Variants in FIBP observed in about 807,000 individuals in gnomAD.
FIBP encodes the protein acidic fibroblast growth factor intracellular-binding protein.
A neutral mutation model predicts 40.5 loss-of-function variants in FIBP; 29 were observed. The observed-to-expected ratio is 0.72, with a 90% confidence interval of 0.53 to 0.98. FIBP has a LOEUF of 0.98. FIBP is among the 50% of genes least tolerant of loss of function. FIBP has a pLI of 0.00. For synonymous variants in FIBP, 215 were observed against 191.1 expected, an observed-to-expected ratio of 1.13 and a Z score of -1.03; for missense variants, 411 against 470.2, an observed-to-expected ratio of 0.87 and a Z score of 1.16.
At chr11:65,887,559 G>C (rs1445497944) in intron 3 of FIBP, 41 bp downstream of exon 3, 11 of 1,610,912 alleles carry the variant, frequency 6.8e-6, no homozygotes, top group South Asian at 4.4e-5. Context: ...AGGGAGTGAA[G>C]TGTAGATGGG....
rs995630046 is a variant in FIBP, at chr11:65,884,872, G to A, written c.819+63C>T. 12 of 1,585,366 alleles carry A rather than the reference G, an allele frequency of 7.6e-6. No homozygotes were observed. In the Admixed American group the frequency reaches 1.0e-4, roughly 13 times the overall value. The stretch of plus-strand genomic sequence containing the variant: ...ATCCCTGGCAGGGGCAGAGCTGCCC[G>A]GTAGGGGTGGCGAACTGGAGGCTGA... On this transcript the variant is annotated intron_variant, in intron 7 of 9. Coordinates refer to ENST00000357519, the MANE Select transcript of FIBP (RefSeq NM_004214.5).
chr11:65,888,122 C>A lies in FIBP; in HGVS notation c.96G>T (p.Ala32=). Residue 32 remains alanine (A), a synonymous_variant, in exon 2 of 10, where the codon GCG becomes GCT. Coordinates refer to ENST00000357519, the MANE Select transcript of FIBP (RefSeq NM_004214.5). The part of the protein sequence containing the change: ...LWLDGYSVTD[A]VALRVRSGIL... Reference sequence around the variant, plus strand: ...TTCCCGAGCGCACCCGCAGGGCCACCGCGTCGGTCACTGGAAAGCGGACGC... The same window carrying A: ...TTCCCGAGCGCACCCGCAGGGCCACAGCGTCGGTCACTGGAAAGCGGACGC... 4 of 1,572,348 alleles carry A rather than the reference C, an allele frequency of 2.5e-6. No homozygotes were observed. The highest frequency in any genetic ancestry group is 1.1e-5 in the South Asian group (1 of 87,444).
rs1016254544 is a variant in FIBP at position 65,883,843 on chromosome 11, C to T, written c.*131G>A. ...GCCACTGTACACATCCATCCTTGTA[C>T]ACGGACACCAGGTGCTCAGAGACAG... On this transcript the variant is annotated 3_prime_UTR_variant, in exon 10 of 10. Transcript: ENST00000357519. 12 of 824,914 alleles carry T rather than the reference C, an allele frequency of 1.5e-5. No homozygotes were observed. In the Admixed American group the frequency reaches 2.2e-4, roughly 15 times the overall value. 51.1% of individuals were successfully genotyped at this position (824,914 alleles called of 1,614,324 possible). A position where few individuals can be genotyped will look rare whatever the true frequency, so the allele number is the denominator to read the frequency against.
chr11:65,884,094 T>C (rs767871039), intron 9 of FIBP, 51 bp from the exon 10 acceptor site: 1 of 1,433,718 alleles, frequency 7.0e-7, no homozygotes, highest in Non-Finnish European at 9.8e-7. Flanking sequence ...CTCACCGTGA[T>C]GGAGGCCCTG....
At chr11:65,884,741 C>T in intron 7 of FIBP, 85 bp from the exon 8 acceptor site, 2 of 1,415,442 alleles carry the variant, frequency 1.4e-6, no homozygotes, top group South Asian at 2.3e-5. Context: ...AGGAGCAGGC[C>T]CCTCCCCAGA....
rs370056729 is a variant in FIBP at position 65,886,455 on chromosome 11, G to A, written c.412-33C>T. 153 of 1,426,418 alleles carry A rather than the reference G, an allele frequency of 1.1e-4. 1 individual carries two copies. Among genetic ancestry groups the A allele is most frequent in the Middle Eastern group, 1.7e-4 (1 of 5,778 alleles). 88.4% of individuals were successfully genotyped at this position (1,426,418 alleles called of 1,614,324 possible). A position where few individuals can be genotyped will look rare whatever the true frequency, so the allele number is the denominator to read the frequency against. ...GCAGTTAGGGTAGAAGAGAGGACTGGTCAGAGTGTACACTGTGTCGCTCAC... is the reference window on the plus strand; with the variant it reads ...GCAGTTAGGGTAGAAGAGAGGACTGATCAGAGTGTACACTGTGTCGCTCAC... On this transcript the variant is annotated intron_variant, in intron 3 of 9. Transcript: ENST00000357519.
rs756865832 is a variant in FIBP, at chr11:65,888,324, C to A, written c.85+10G>T. 9 of 1,550,282 alleles carry A rather than the reference C, an allele frequency of 5.8e-6. No individual in the cohort carries two copies. Among genetic ancestry groups the A allele is most frequent in the Non-Finnish European group, 7.9e-6 (9 of 1,146,408 alleles). On this transcript the variant is annotated intron_variant, in intron 1 of 9. Transcript: ENST00000357519. ...CCGCCGACTGGCTTCCCCACACGCCCCTCACGGACCCGAGTAACCATCGAG... is the reference window on the plus strand; with the variant it reads ...CCGCCGACTGGCTTCCCCACACGCCACTCACGGACCCGAGTAACCATCGAG...
At chr11:65,884,722 T>TG in intron 7 of FIBP, 66 bp from the exon 8 acceptor site, 1 of 1,551,976 alleles carries the variant, frequency 6.4e-7, no homozygotes, top group Non-Finnish European at 8.9e-7. Flanking sequence ...GCACAGAAGC[T>TG]GGGGGAGGAG....
rs1274753968 is a variant in FIBP, at chr11:65,886,441, A to G, written c.412-19T>C. 6.5e-7 allele frequency: 1 copy of G among 1,545,764 alleles called. No individual in the cohort carries two copies. Among genetic ancestry groups the G allele is most frequent in the Non-Finnish European group, 8.9e-7 (1 of 1,117,694 alleles). ...TGTCAAACTGCAGGGCAGTTAGGGT[A>G]GAAGAGAGGACTGGTCAGAGTGTAC... On this transcript the variant is annotated intron_variant, in intron 3 of 9. Transcript: ENST00000357519.
chr11:65,887,734 A>T lies in FIBP; in HGVS notation c.285-8T>A. On this transcript the variant is annotated splice_region_variant and splice_polypyrimidine_tract_variant and intron_variant, in intron 2 of 9. Transcript: ENST00000357519. ...TCATCAAAGGCATAGTACCTTGTGGAGTCAGAGAACACCATTGACCCTCCA... is the reference window on the plus strand; with the variant it reads ...TCATCAAAGGCATAGTACCTTGTGGTGTCAGAGAACACCATTGACCCTCCA... 1 of 1,614,032 alleles carries T rather than the reference A, an allele frequency of 6.2e-7. No individual in the cohort carries two copies. The highest frequency in any genetic ancestry group is 8.5e-7 in the Non-Finnish European group (1 of 1,180,000).
chr11:65,883,792 CTGAGA>C lies in FIBP; in HGVS notation c.*177_*181del, dbSNP rs1018113751. ...ATGGGCTGAGCACAGACACCATTCC[CTGAGA>C]TATGTCTCAGTTCCCAAGGAGCCAC... is the stretch of plus-strand genomic sequence containing the variant. On this transcript the variant is annotated 3_prime_UTR_variant, in exon 10 of 10. Transcript: ENST00000357519. 7 of 737,990 alleles carry C rather than the reference CTGAGA, an allele frequency of 9.5e-6. No individual in the cohort carries two copies. Among genetic ancestry groups the C allele is most frequent in the Admixed American group, 4.6e-5 (2 of 43,368 alleles). The allele number at this position is 737,990 out of a possible 1,614,324, so 45.7% of individuals were successfully genotyped here. A position where few individuals can be genotyped will look rare whatever the true frequency, so the allele number is the denominator to read the frequency against.
chr11:65,885,367 G>C, intron 5 of FIBP, 163 bp downstream of exon 5: 1 of 952,726 alleles, frequency 1.0e-6, no homozygotes, highest in East Asian at 2.4e-5. Flanking sequence ...CTGCAGACAA[G>C]GTGTGTGTGG....
chr11:65,884,733 G>C, intron 7 of FIBP, 77 bp from the exon 8 acceptor site: 1 of 1,465,274 alleles, frequency 6.8e-7, no homozygotes, highest in Non-Finnish European at 9.6e-7. Context: ...GGGGGAGGAG[G>C]AGCAGGCCCC....
In FIBP at chr11:65,888,088, G is replaced by T. The variant is rs750309970; in HGVS notation, c.130C>A (p.Gln44Lys). The stretch of plus-strand genomic sequence containing the variant: ...AGCACCGCTGCCGTGGCGCCAGTCT[G>T]CTCCAGGATTCCCGAGCGCACCCGC... The part of the protein sequence containing the change: ...ALRVRSGILE[Q>K]TGATAAVLQS... Residue 44 changes from glutamine (Q) to lysine (K), a missense_variant, in exon 2 of 10, where the codon CAG becomes AAG. Transcript: ENST00000357519. 26 of 1,602,188 alleles carry T rather than the reference G, an allele frequency of 1.6e-5. No individual in the cohort carries two copies. In the South Asian group the frequency reaches 2.9e-4, roughly 18 times the overall value.
rs1860158902 is a variant in FIBP at position 65,883,979 on chromosome 11, C to G, written c.1069G>C (p.Asp357His). The change falls in exon 10 of 10, where the codon GAC (aspartate) becomes CAC (histidine). Residue 357 changes from aspartate to histidine, a missense_variant. Coordinates refer to ENST00000357519, the MANE Select transcript of FIBP (RefSeq NM_004214.5). ...LRGCLLRLYH[D>H] ...GCGGAGCGTTGGGAGGCACCTCAGT[C>G]ATGATACAGGCGCAGGAGGCAGCCG... The G allele has an allele frequency of 6.3e-5, 102 of 1,613,894 alleles. No homozygotes were observed. The highest frequency in any genetic ancestry group is 8.6e-5 in the Non-Finnish European group (101 of 1,179,918).
chr11:65,883,834 A>T lies in FIBP; in HGVS notation c.*140T>A, dbSNP rs1860154861. On this transcript the variant is annotated 3_prime_UTR_variant, in exon 10 of 10. Coordinates refer to ENST00000357519, the MANE Select transcript of FIBP (RefSeq NM_004214.5). ...TCCCAAGGAGCCACTGTACACATCC[A>T]TCCTTGTACACGGACACCAGGTGCT... 12 of 791,520 alleles carry T rather than the reference A, an allele frequency of 1.5e-5. No homozygotes were observed. The South Asian group carries it at 2.0e-4, about 13-fold the overall frequency. The allele number at this position is 791,520 out of a possible 1,614,324, so 49.0% of individuals were successfully genotyped here.
intron 4 of FIBP, 132 bp downstream of exon 4, chr11:65,886,190 A>G: frequency 2.0e-6 from 1 of 502,924 alleles, no homozygotes; most frequent in East Asian, 3.2e-5. Context: ...AAAAAAAAAA[A>G]GTACAGACCA....
intron 4 of FIBP, 24 bp from the exon 5 acceptor site, chr11:65,885,687 T>C (rs773164776): frequency 3.2e-6 from 5 of 1,575,914 alleles, no homozygotes; most frequent in Non-Finnish European, 4.3e-6. Context: ...AGGAGGGTCC[T>C]CTTAGGGCTT....
chr11:65,885,981 T>G (rs1329971471), intron 4 of FIBP: 1 of 440,900 alleles, frequency 2.3e-6, no homozygotes, highest in Admixed American at 3.8e-5. Flanking sequence ...ATCGCTGGAC[T>G]GTGCTTTGAA....
Sources: allele counts gnomAD v4.1 joint callset, GRCh38; gene constraint gnomAD v4.1.1; transcripts MANE v1.5; gene names NCBI Gene and HGNC (gene_info 2026-07-23, HGNC 2026-07-21).